Variants in PTN observed in about 807,000 individuals in gnomAD.
The protein encoded by PTN is heparin affin regulatory protein.
Under a neutral mutation model 24.1 loss-of-function variants are expected in PTN, and 18 were observed. The observed-to-expected ratio is 0.75, with a 90% CI of 0.52 to 1.11. PTN has a LOEUF of 1.11. PTN is among the 50% of genes least tolerant of loss of function. PTN has a pLI of 0.00. For synonymous variants in PTN, 78 were observed against 68.6 expected (o/e 1.14, Z -0.67); for missense variants, 163 against 198.8 (o/e 0.82, Z 1.08).
chr7:137,258,202 A>G (rs1808969650), intron 1 of PTN, among the ~76,000 whole-genome samples: 1 of 152,212 alleles, frequency 6.6e-6, no homozygotes, highest in Non-Finnish European at 1.5e-5. Flanking sequence ...TAGTCTACTA[A>G]ACAAGTCATT....
intron 1 of PTN, among the ~76,000 whole-genome samples, chr7:137,304,218 T>C (rs991153517): frequency 1.3e-5 from 2 of 152,050 alleles, no homozygotes; most frequent in African/African-American, 4.8e-5. Context: ...CTCTTTGCTT[T>C]GAGCCTCCTG....
intron 1 of PTN, among the ~76,000 whole-genome samples, chr7:137,328,352 A>AT (rs1810296083): frequency 1.3e-5 from 2 of 152,208 alleles, no homozygotes; most frequent in African/African-American, 4.8e-5. Flanking sequence ...ATGTAAAGGA[A>AT]TGACCTATCA....
At chr7:137,235,679 T>A (rs1386145363) in intron 4 of PTN, among the ~76,000 whole-genome samples, 1 of 152,104 alleles carries the variant, frequency 6.6e-6, no homozygotes, top group Non-Finnish European at 1.5e-5. Flanking sequence ...GTGGAAAACA[T>A]GTGTACATGC....
At chr7:137,288,854 C>T (rs1375309136) in intron 1 of PTN, among the ~76,000 whole-genome samples, 1 of 152,134 alleles carries the variant, frequency 6.6e-6, no homozygotes, top group Admixed American at 6.5e-5. Context: ...ATCATACCTT[C>T]TGCTGGATGG....
At chr7:137,326,879 G>C (rs1810271397) in intron 1 of PTN, 1 of 152,000 alleles carries the variant, frequency 6.6e-6, no homozygotes, top group African/African-American at 2.4e-5. Context: ...ATTCATCTCT[G>C]TATTCCTGAT....
chr7:137,274,464 C>T (rs1328912407), intron 1 of PTN, among the ~76,000 whole-genome samples: 2 of 152,138 alleles, frequency 1.3e-5, no homozygotes, highest in East Asian at 1.9e-4. Context: ...CTGCACCCAT[C>T]AACCCGTCAC....
chr7:137,258,582 A>G (rs939883018), intron 1 of PTN, among the ~76,000 whole-genome samples: 7 of 150,892 alleles, frequency 4.6e-5, no homozygotes, highest in Non-Finnish European at 1.0e-4. Flanking sequence ...ATTTAAAAGA[A>G]GAGAGTAAAG....
intron 4 of PTN, among the ~76,000 whole-genome samples, chr7:137,232,126 C>T (rs548711131): frequency 2.3e-4 from 35 of 152,044 alleles, no homozygotes; most frequent in African/African-American, 7.7e-4. Context: ...TACACATACA[C>T]CACACATCAA....
intron 1 of PTN, among the ~76,000 whole-genome samples, chr7:137,289,024 A>G (rs1378234390): frequency 6.6e-6 from 1 of 152,172 alleles, no homozygotes; most frequent in Non-Finnish European, 1.5e-5. Flanking sequence ...GTTTATATGC[A>G]CACATAGTCT....
intron 4 of PTN, among the ~76,000 whole-genome samples, chr7:137,250,256 C>A (rs1362850945): frequency 6.6e-6 from 1 of 152,118 alleles, no homozygotes; most frequent in Non-Finnish European, 1.5e-5. Flanking sequence ...TATTGTCTTG[C>A]AGTTCTGGAA....
chr7:137,319,140 G>C (rs747094443), intron 1 of PTN, among the ~76,000 whole-genome samples: 1 of 152,226 alleles, frequency 6.6e-6, no homozygotes, highest in South Asian at 2.1e-4. Context: ...TGGAGTAATA[G>C]GAAATCATTG....
At chr7:137,299,122 A>G (rs941441005) in intron 1 of PTN, among the ~76,000 whole-genome samples, 1 of 151,982 alleles carries the variant, frequency 6.6e-6, no homozygotes, top group African/African-American at 2.4e-5. Flanking sequence ...ATTCACAGCC[A>G]GAATACTGTT....
rs191450807 is a variant in PTN, at chr7:137,280,648, G to A, written c.-1-25674C>T. Among the ~76,000 whole-genome samples the A allele has an allele frequency of 1.5e-5, 2 of 137,722 alleles. 1 individual carries two copies. The highest frequency in any genetic ancestry group is 1.6e-4 in the Admixed American group (2 of 12,534). 90.4% of individuals were successfully genotyped at this position (137,722 alleles called of 152,430 possible). On this transcript the variant is annotated intron_variant, in intron 1 of 4. Transcript: ENST00000348225. Reference sequence around the variant, plus strand: ...GCAGGTGGATCACTTGAGGCCAGGAGCTCAAGACCAGTCTGGCCAACATGG... The same window carrying A: ...GCAGGTGGATCACTTGAGGCCAGGAACTCAAGACCAGTCTGGCCAACATGG...
intron 1 of PTN, among the ~76,000 whole-genome samples, chr7:137,266,382 C>A (rs1426351938): frequency 2.6e-5 from 4 of 152,164 alleles, no homozygotes. Flanking sequence ...TTTCCTTATA[C>A]ACCTTGCACA....
intron 1 of PTN, among the ~76,000 whole-genome samples, chr7:137,256,458 C>T (rs1808927169): frequency 1.3e-5 from 2 of 152,194 alleles, no homozygotes; most frequent in South Asian, 4.1e-4. Context: ...TGGATGATGG[C>T]CTCCAGCTTC....
intron 1 of PTN, among the ~76,000 whole-genome samples, chr7:137,342,499 A>G (rs997110328): frequency 4.7e-5 from 7 of 148,368 alleles, no homozygotes; most frequent in African/African-American, 1.7e-4. Flanking sequence ...TTAACACTAG[A>G]GTGTATATAA....
At chr7:137,241,700 T>C (rs77997292) in intron 4 of PTN, among the ~76,000 whole-genome samples, 4,842 of 152,106 alleles carry the variant, frequency 0.032, 90 homozygotes, top group Middle Eastern at 0.058. Flanking sequence ...TACGGTATCA[T>C]GGATGGAAAA....
intron 1 of PTN, among the ~76,000 whole-genome samples, chr7:137,289,966 A>C (rs192385262): frequency 8.5e-5 from 13 of 152,324 alleles, no homozygotes; most frequent in African/African-American, 2.9e-4. Flanking sequence ...GTCCATTTTC[A>C]TGCTGCTGAT....
At chr7:137,335,554 T>A in intron 1 of PTN, among the ~76,000 whole-genome samples, 1 of 152,224 alleles carries the variant, frequency 6.6e-6, no homozygotes, top group East Asian at 1.9e-4. Context: ...CTGATTTGTC[T>A]CCTGTTCCCT....
Sources: gnomAD v4.1 joint callset for allele counts (sites outside exome capture counted in the v4.1 genomes callset) on GRCh38, gnomAD v4.1.1 for gene constraint, MANE v1.5 for transcripts, NCBI Gene and HGNC (gene_info 2026-07-23, HGNC 2026-07-21) for gene names.